Variants in ZNF563 observed in about 807,000 individuals in gnomAD.
ZNF563 encodes zinc finger protein 563.
A neutral mutation model predicts 48.5 loss-of-function variants in ZNF563; 39 were observed. The ratio of observed to expected loss-of-function variants is 0.80; its 90% confidence interval spans 0.62 to 1.05. ZNF563 has a LOEUF of 1.05. ZNF563 is among the 50% of genes least tolerant of loss of function. The probability of loss-of-function intolerance (pLI) is 0.00; values close to 1 mark genes in which losing one functional copy is unlikely to be tolerated. For missense variants in ZNF563, 538 were observed against 597.0 expected, an observed-to-expected ratio of 0.90 and a Z score of 1.03; for synonymous variants, 168 against 187.9, an observed-to-expected ratio of 0.89 and a Z score of 0.87.
chr19:12,331,572 G>C (rs1968919964), intron 1 of ZNF563, among the ~76,000 whole-genome samples: 1 of 152,218 alleles, frequency 6.6e-6, no homozygotes, highest in South Asian at 2.1e-4. Context: ...AACTGGGCTT[G>C]GGGTGAGAAA....
chr19:12,319,633 T>C lies in ZNF563; in HGVS notation c.392A>G (p.His131Arg), dbSNP rs774615696. 28 of 1,614,106 alleles carry C rather than the reference T, an allele frequency of 1.7e-5. 1 individual carries two copies. The highest frequency in any genetic ancestry group is 3.3e-4 in the Middle Eastern group (2 of 6,084). Reference sequence around the variant, plus strand: ...CTTCTCTCCATATTCCTGATACTCATGTGGTTTGTGTCCAGAATCAACTCT... The same window carrying C: ...CTTCTCTCCATATTCCTGATACTCACGTGGTTTGTGTCCAGAATCAACTCT... ...HIRVDSGHKPHEYQEYGEKPH... is the reference protein window; with the variant it reads ...HIRVDSGHKPREYQEYGEKPH... Residue 131 changes from histidine (H) to arginine (R), a missense_variant, in exon 4 of 4, where the codon CAT (histidine) becomes CGT (arginine). By Grantham distance (29) the His-to-Arg change is conservative. Transcript: ENST00000293725.
upstream of ZNF563, among the ~76,000 whole-genome samples, chr19:12,334,046 C>G (rs1274066043): frequency 1.3e-5 from 2 of 152,204 alleles, no homozygotes; most frequent in African/African-American, 2.4e-5. Context: ...CAGAGGGGAG[C>G]CCAAGGCCAC....
chr19:12,320,774 C>T (rs1441772974), intron 3 of ZNF563, among the ~76,000 whole-genome samples: 1 of 152,054 alleles, frequency 6.6e-6, no homozygotes, highest in East Asian at 1.9e-4. Context: ...GCTGGGATTA[C>T]AGGCATGAGC....
upstream of ZNF563, among the ~76,000 whole-genome samples, chr19:12,336,820 C>T (rs77256218): frequency 0.049 from 7,410 of 152,194 alleles, 599 homozygotes; most frequent in African/African-American, 0.17. Flanking sequence ...CCATCTGAAA[C>T]CCCCTCTCAA....
At position 12,318,625 on chromosome 19, in the gene ZNF563, T is replaced by C. The variant is rs1467923988; in HGVS notation, c.1400A>G (p.His467Arg). Reference sequence around the variant, plus strand: ...TGTTTCTCTCCAGTGAGTCTTTTCATGTCTTTGACATACACTGGGATAAAC... The same window carrying C: ...TGTTTCTCTCCAGTGAGTCTTTTCACGTCTTTGACATACACTGGGATAAAC... ...AFVYPSVCQR[H>R]EKTHWRETI The change falls in exon 4 of 4, where the codon CAT becomes CGT. Residue 467 changes from histidine (H) to arginine (R), a missense_variant. By Grantham distance (29) the His-to-Arg change is conservative. Transcript: ENST00000293725. 6.2e-7 allele frequency: 1 copy of C among 1,613,918 alleles called. No homozygotes were observed. Among genetic ancestry groups the C allele is most frequent in the Non-Finnish European group, 8.5e-7 (1 of 1,179,856 alleles).
At chr19:12,341,647 A>G in the ZNF563 span, among the ~76,000 whole-genome samples, 1 of 152,240 alleles carries the variant, frequency 6.6e-6, no homozygotes, top group Admixed American at 6.5e-5. Context: ...AAAAGAGTCA[A>G]TACATACAGA....
In ZNF563 at chr19:12,319,716, A is replaced by G. The variant is rs202216969; in HGVS notation, c.309T>C (p.Cys103=). Residue 103 remains cysteine (C), a synonymous_variant, in exon 4 of 4, where the codon TGT becomes TGC. Transcript: ENST00000293725. ...NNSICPGEDP[C]QSAECEEVIM... The stretch of plus-strand genomic sequence containing the variant: ...TGACTTCTTCACACTCAGCGCTTTG[A>G]CATGGATCTTCTCCAGGACAAATGC... 24 of 1,614,144 alleles carry G rather than the reference A, an allele frequency of 1.5e-5. No individual in the cohort carries two copies. The East Asian group carries it at 4.9e-4, about 33-fold the overall frequency.
At position 12,319,661 on chromosome 19, in the gene ZNF563, T is replaced by C; in HGVS notation, c.364A>G (p.Ile122Val). Reference sequence around the variant, plus strand: ...GGTTTGTGTCCAGAATCAACTCTGATGTGGCTATTAAGGGATAAATGACCC... The same window carrying C: ...GGTTTGTGTCCAGAATCAACTCTGACGTGGCTATTAAGGGATAAATGACCC... ...IMGHLSLNSH[I>V]RVDSGHKPHE... The change falls in exon 4 of 4, where the codon ATC (isoleucine) becomes GTC (valine). Residue 122 changes from isoleucine (I) to valine (V), a missense_variant. Transcript: ENST00000293725. 1.2e-6 allele frequency: 2 copies of C among 1,614,186 alleles called. No individual in the cohort carries two copies. Among genetic ancestry groups the C allele is most frequent in the Non-Finnish European group, 1.7e-6 (2 of 1,180,046 alleles).
intron 1 of ZNF563, among the ~76,000 whole-genome samples, chr19:12,327,532 A>G (rs1968824834): frequency 6.6e-6 from 1 of 152,030 alleles, no homozygotes. Flanking sequence ...AACAAATAGA[A>G]AACAGTAATA....
the ZNF563 span, among the ~76,000 whole-genome samples, chr19:12,341,732 G>A: frequency 2.6e-5 from 4 of 152,052 alleles, no homozygotes; most frequent in Non-Finnish European, 4.4e-5. Context: ...CAGAAATGAA[G>A]AAGAAATGGA....
In ZNF563 at chr19:12,319,159, G is replaced by A. The variant is rs755528400; in HGVS notation, c.866C>T (p.Ala289Val). ...TCGAAGGGAACTGGAAACACTGAAG[G>A]CTTTCCCACACTGTTTACATGTATA... ...KPYTCKQCGKAFSVSSSLRRH... is the reference protein window; with the variant it reads ...KPYTCKQCGKVFSVSSSLRRH... Residue 289 changes from alanine to valine, a missense_variant, in exon 4 of 4, where the codon GCC (alanine) becomes GTC (valine). Transcript: ENST00000293725. The A allele has an allele frequency of 1.2e-6, 2 of 1,614,162 alleles. No homozygotes were observed. The highest frequency in any genetic ancestry group is 3.3e-5 in the Admixed American group (2 of 60,020).
chr19:12,338,483 A>C (rs1969041445), upstream of ZNF563, among the ~76,000 whole-genome samples: 2 of 152,086 alleles, frequency 1.3e-5, no homozygotes, highest in African/African-American at 4.8e-5. Flanking sequence ...TCCTGAACTC[A>C]AGAGATCCAC....
chr19:12,318,707 T>C lies in ZNF563; in HGVS notation c.1318A>G (p.Met440Val), dbSNP rs1568471160. Residue 440 changes from methionine (M) to valine (V), a missense_variant, in exon 4 of 4, where the codon ATG becomes GTG. Transcript: ENST00000293725. Reference protein sequence around the residue: ...LSHSSSFRRHMVMHTGDGPNK... With the variant: ...LSHSSSFRRHVVMHTGDGPNK... ...GGCCCATCTCCCGTATGCATTACCA[T>C]ATGTCTTCGAAAGCTTGAGCTATGA... 3 of 1,614,220 alleles carry C rather than the reference T, an allele frequency of 1.9e-6. No homozygotes were observed. Among genetic ancestry groups the C allele is most frequent in the Non-Finnish European group, 2.5e-6 (3 of 1,180,042 alleles).
At chr19:12,335,942 C>T (rs1969015680), upstream of ZNF563, among the ~76,000 whole-genome samples, 1 of 152,174 alleles carries the variant, frequency 6.6e-6, no homozygotes, top group Admixed American at 6.5e-5. Flanking sequence ...ATTAATCTGC[C>T]TTCTCTCCAA....
the ZNF563 span, among the ~76,000 whole-genome samples, chr19:12,339,828 C>T: frequency 4.6e-5 from 7 of 152,210 alleles, no homozygotes; most frequent in Non-Finnish European, 1.0e-4. Flanking sequence ...AGAAGCTCAA[C>T]GAACTCTAAG....
At chr19:12,330,811 G>C (rs1056202637) in intron 1 of ZNF563, among the ~76,000 whole-genome samples, 50 of 152,082 alleles carry the variant, frequency 3.3e-4, no homozygotes, top group African/African-American at 1.2e-3. Context: ...CTTCCATTTT[G>C]AATGTGGTTC....
intron 1 of ZNF563, among the ~76,000 whole-genome samples, chr19:12,331,725 C>A (rs1968923560): frequency 6.6e-6 from 1 of 152,184 alleles, no homozygotes; most frequent in Non-Finnish European, 1.5e-5. Flanking sequence ...GGCTGATATT[C>A]ACTACCCTCC....
upstream of ZNF563, among the ~76,000 whole-genome samples, chr19:12,336,338 A>G (rs1360434964): frequency 2.0e-5 from 3 of 152,142 alleles, no homozygotes. Flanking sequence ...CACACCTGCA[A>G]TTCCAACACT....
At chr19:12,334,028 C>A (rs528089872), upstream of ZNF563, among the ~76,000 whole-genome samples, 2 of 152,288 alleles carry the variant, frequency 1.3e-5, no homozygotes, top group South Asian at 4.1e-4. Context: ...ATTCCCCTGG[C>A]CTCAGAGCAG....
Sources: allele counts gnomAD v4.1 joint callset (sites outside exome capture counted in the v4.1 genomes callset), GRCh38; gene constraint gnomAD v4.1.1; transcripts MANE v1.5; gene names NCBI Gene and HGNC (gene_info 2026-07-23, HGNC 2026-07-21).